WDFY4: variants seen among roughly 807,000 people sequenced by gnomAD.
WDFY4 encodes the protein WD repeat- and FYVE domain-containing protein 4.
WDFY4 carries 169 observed loss-of-function variants against 351.9 expected under a neutral mutation model. The observed-to-expected ratio is 0.48, with a 90% CI of 0.42 to 0.55. The LOEUF is 0.55. WDFY4 is among the 20% of genes least tolerant of loss of function. WDFY4 has a pLI of 0.00. For synonymous variants in WDFY4, 1,622 were observed against 1,574.6 expected (o/e 1.03, Z -0.71); for missense variants, 3,803 against 3,935.6 (o/e 0.97, Z 0.90).
intron 15 of WDFY4, 52 bp downstream of exon 15, chr10:48,775,858 G>A: frequency 1.4e-6 from 2 of 1,466,972 alleles, no homozygotes; most frequent in South Asian, 1.2e-5. Flanking sequence ...AAAGATGATA[G>A]GCATTCCTGC....
chr10:48,802,818 A>T, intron 24 of WDFY4: 2 of 474,008 alleles, frequency 4.2e-6, no homozygotes, highest in Non-Finnish European at 8.7e-6. Context: ...AAACCTGAAA[A>T]TCTGTACCTG....
chr10:48,759,311 CA>C (rs759026477), intron 12 of WDFY4, among the ~76,000 whole-genome samples: 12 of 152,216 alleles, frequency 7.9e-5, no homozygotes, highest in Non-Finnish European at 1.5e-4. Flanking sequence ...TCCTCTTCTT[CA>C]TCCTTTCCTT....
At chr10:48,865,395 C>T (rs984490162) in intron 39 of WDFY4, among the ~76,000 whole-genome samples, 2 of 152,178 alleles carry the variant, frequency 1.3e-5, no homozygotes, top group African/African-American at 2.4e-5. Flanking sequence ...GTTAAGCCAA[C>T]TCTGCATTAC....
chr10:48,702,060 T>A lies in WDFY4; in HGVS notation c.-17-7656T>A, dbSNP rs531879782. ...AATTTACATAAAAATAATTTTCTTTTTTTAGTGCACACTTTGGACAAATGT... is the reference window on the plus strand; with the variant it reads ...AATTTACATAAAAATAATTTTCTTTATTTAGTGCACACTTTGGACAAATGT... On this transcript the variant is annotated intron_variant, in intron 1 of 61. Coordinates refer to ENST00000325239, the MANE Select transcript of WDFY4 (RefSeq NM_001394531.1). Among the ~76,000 whole-genome samples, 3 of 152,342 alleles carry A rather than the reference T, an allele frequency of 2.0e-5. No homozygotes were observed. In the South Asian group the frequency reaches 6.2e-4, roughly 32 times the overall value.
intron 61 of WDFY4, 63 bp downstream of exon 61, chr10:48,981,541 C>T: frequency 1.3e-6 from 2 of 1,486,928 alleles, no homozygotes; most frequent in Admixed American, 2.0e-5. Flanking sequence ...TTTAGGAAAG[C>T]CCCAGTGGCT....
chr10:48,970,192 C>T lies in WDFY4; in HGVS notation c.8831C>T (p.Ser2944Phe), dbSNP rs1188415965. Residue 2944 changes from serine to phenylalanine, a missense_variant, in exon 57 of 62, where the codon TCC becomes TTC. Transcript: ENST00000325239. ...CGCTGTCTGTGCGCCGTGTGCCCAT[C>T]CCCAACAACGATTGTCACCTCTGGG... ...WGRCLCAVCP[S>F]PTTIVTSGTS... The T allele has an allele frequency of 1.3e-6, 2 of 1,551,632 alleles. No individual in the cohort carries two copies. Among genetic ancestry groups the T allele is most frequent in the South Asian group, 2.4e-5 (2 of 84,068 alleles).
intron 24 of WDFY4, among the ~76,000 whole-genome samples, chr10:48,797,991 C>G (rs1210534688): frequency 6.6e-6 from 1 of 152,050 alleles, no homozygotes; most frequent in Admixed American, 6.6e-5. Flanking sequence ...GATTTTGAAA[C>G]CTAAACTGAG....
In WDFY4 at chr10:48,946,887, A is replaced by G. The variant is rs376075519; in HGVS notation, c.7895A>G (p.Tyr2632Cys). Residue 2632 changes from tyrosine (Y) to cysteine (C), a missense_variant, in exon 51 of 62, where the codon TAC (tyrosine) becomes TGC (cysteine). Around this residue, in one of 3 missense-constraint regions of WDFY4, gnomAD observed 3,054 missense variants for 3,148.6 expected, o/e 0.97. Transcript: ENST00000325239. ...EGDMTVQCHY[Y>C]THYSSAIIVA... ...GACATGACTGTCCAGTGCCACTACT[A>G]CACCCACTACTCCTCGGCCATCATC... 2 of 1,551,968 alleles carry G rather than the reference A, an allele frequency of 1.3e-6. No homozygotes were observed. Among genetic ancestry groups the G allele is most frequent in the African/African-American group, 2.7e-5 (2 of 73,086 alleles).
chr10:48,905,662 C>T (rs751338430), intron 47 of WDFY4, among the ~76,000 whole-genome samples: 1 of 152,198 alleles, frequency 6.6e-6, no homozygotes, highest in Admixed American at 6.5e-5. Flanking sequence ...ATGCTCATCT[C>T]AGTTCATGGA....
At chr10:48,734,452 A>G (rs1163900333) in intron 10 of WDFY4, among the ~76,000 whole-genome samples, 18 of 151,914 alleles carry the variant, frequency 1.2e-4, no homozygotes. Flanking sequence ...GCACTTAGCA[A>G]TGTAATCCAT....
intron 1 of WDFY4, among the ~76,000 whole-genome samples, chr10:48,686,596 T>C (rs2063057750): frequency 6.6e-6 from 1 of 152,218 alleles, no homozygotes; most frequent in Admixed American, 6.5e-5. Flanking sequence ...TTGAACTCTG[T>C]AAACATGGAA....
intron 47 of WDFY4, chr10:48,932,661 GGAGAGA>G (rs967064927): frequency 2.6e-5 from 4 of 151,336 alleles, no homozygotes; most frequent in Non-Finnish European, 4.4e-5. Context: ...AAAAAAAGAG[GGAGAGA>G]GAGAGAAAAA....
At chr10:48,978,513 T>A in intron 60 of WDFY4, 120 bp downstream of exon 60, 1 of 943,934 alleles carries the variant, frequency 1.1e-6, no homozygotes, top group Non-Finnish European at 1.5e-6. Context: ...TAGGGAGGCC[T>A]AGGAAGGCAC....
chr10:48,770,600 G>T (rs947893952), intron 13 of WDFY4, among the ~76,000 whole-genome samples: 38 of 143,744 alleles, frequency 2.6e-4, no homozygotes, highest in African/African-American at 8.7e-4. Context: ...GAGAAGAGAA[G>T]CAGGGGCTGG....
At position 48,976,955 on chromosome 10, in the gene WDFY4, C is replaced by G. The variant is rs773859408; in HGVS notation, c.9267C>G (p.Thr3089=). Residue 3089 remains threonine (T), a synonymous_variant, in exon 59 of 62, where the codon ACC becomes ACG. Transcript: ENST00000325239. ...GGGACACAAGCCAGATCATCATCAC[C>G]GGGAGTCAAGACGGCATGGTCCGGG... ...PAWDTSQIII[T]GSQDGMVRVW... 2 of 1,490,038 alleles carry G rather than the reference C, an allele frequency of 1.3e-6. No homozygotes were observed. Among genetic ancestry groups the G allele is most frequent in the East Asian group, 2.7e-5 (1 of 37,550 alleles). 92.3% of individuals were successfully genotyped at this position (1,490,038 alleles called of 1,614,324 possible). A position where few individuals can be genotyped will look rare whatever the true frequency, so the allele number is the denominator to read the frequency against.
chr10:48,912,726 G>A lies in WDFY4; in HGVS notation c.7586+10863G>A, dbSNP rs141268224. Among the ~76,000 whole-genome samples, 20 of 152,366 alleles carry A rather than the reference G, an allele frequency of 1.3e-4. No individual in the cohort carries two copies. The East Asian group carries it at 3.9e-3, about 29-fold the overall frequency. ...TCTGGAAAAACACTGAATGTAATAG[G>A]ATGGGAGTGCAACTTCATTCATTCA... On this transcript the variant is annotated intron_variant, in intron 47 of 61. Coordinates refer to ENST00000325239, the MANE Select transcript of WDFY4 (RefSeq NM_001394531.1).
In WDFY4 at chr10:48,736,000, T is replaced by C. The variant is rs1042412893; in HGVS notation, c.1808T>C (p.Met603Thr). 1.9e-6 allele frequency: 3 copies of C among 1,551,774 alleles called. No individual in the cohort carries two copies. The highest frequency in any genetic ancestry group is 2.6e-6 in the Non-Finnish European group (3 of 1,147,056). Residue 603 changes from methionine to threonine, a missense_variant, in exon 11 of 62, where the codon ATG becomes ACG. By Grantham distance (81) the Met-to-Thr change is moderately conservative (BLOSUM62 -1). Transcript: ENST00000325239. The part of the protein sequence containing the change: ...QLSAINAEEY[M>T]SIIVGALCSS... ...TCAGCCATCAACGCCGAGGAGTACA[T>C]GAGCATCATTGTGGGTGCTCTATGC...
intron 39 of WDFY4, among the ~76,000 whole-genome samples, chr10:48,839,796 A>G (rs1022452651): frequency 1.3e-5 from 2 of 152,278 alleles, no homozygotes; most frequent in Admixed American, 1.3e-4. Context: ...TTAGATAAAT[A>G]AAACCACTCA....
At chr10:48,960,528 G>T (rs953869622) in intron 53 of WDFY4, among the ~76,000 whole-genome samples, 3 of 152,160 alleles carry the variant, frequency 2.0e-5, no homozygotes, top group African/African-American at 7.2e-5. Context: ...TTAAAAATTT[G>T]CAGGTGCATT....
Sources: gnomAD v4.1 joint callset for allele counts (sites outside exome capture counted in the v4.1 genomes callset) on GRCh38, gnomAD v4.1.1 for gene constraint, gnomAD v4.1.1 regional missense constraint, MANE v1.5 for transcripts, NCBI Gene and HGNC (gene_info 2026-07-23, HGNC 2026-07-21) for gene names.